The following KIAA1328 variants were observed in gnomAD, a reference collection of about 807,000 sequenced individuals.
The protein encoded by KIAA1328 is protein hinderin.
KIAA1328 carries 52 observed loss-of-function variants against 68.1 expected under a neutral mutation model. The ratio of observed to expected loss-of-function variants is 0.76; its 90% CI spans 0.61 to 0.96. The LOEUF is 0.96. Among genes scored for constraint, KIAA1328 ranks in the 40% least tolerant of loss-of-function variants. The pLI, the probability that KIAA1328 is intolerant of heterozygous loss-of-function variation, is 0.00. For missense variants in KIAA1328, 641 were observed against 677.6 expected, an observed-to-expected ratio of 0.95 and a Z score of 0.60; for synonymous variants, 232 against 239.4, an observed-to-expected ratio of 0.97 and a Z score of 0.28.
intron 7 of KIAA1328, among the ~76,000 whole-genome samples, chr18:37,083,184 C>T (rs1304261476): frequency 6.6e-6 from 1 of 152,158 alleles, no homozygotes; most frequent in Non-Finnish European, 1.5e-5. Context: ...GATATTATTG[C>T]TGCCATTTTT....
intron 5 of KIAA1328, among the ~76,000 whole-genome samples, chr18:36,949,596 C>G (rs2051059289): frequency 5.3e-5 from 1 of 18,818 alleles, no homozygotes; most frequent in South Asian, 3.5e-3. Flanking sequence ...TTCTACCCAG[C>G]TCCCCCCCCC....
rs908274718 is a variant in KIAA1328, at chr18:36,844,107, G to A, written c.238-101G>A. On this transcript the variant is annotated intron_variant, in intron 3 of 9. Coordinates refer to ENST00000280020, the MANE Select transcript of KIAA1328 (RefSeq NM_020776.3). ...GAAACAGGTAGATAGTGTTGCACCA[G>A]AGAAAAGATATCTAAGAAATTTCAC... 1.3e-5 allele frequency: 9 copies of A among 702,468 alleles called. No homozygotes were observed. In the Admixed American group the frequency reaches 2.0e-4, roughly 16 times the overall value. The allele number at this position is 702,468 out of a possible 1,614,324, so 43.5% of individuals were successfully genotyped here.
At chr18:36,990,123 A>G (rs919718687) in intron 6 of KIAA1328, among the ~76,000 whole-genome samples, 4 of 152,200 alleles carry the variant, frequency 2.6e-5, no homozygotes, top group Non-Finnish European at 4.4e-5. Context: ...AGCAATAACT[A>G]CTATTAACAT....
At position 36,963,790 on chromosome 18, in the gene KIAA1328, T is replaced by C. The variant is rs1166451560; in HGVS notation, c.576+4355T>C. Reference sequence around the variant, plus strand: ...TTTTTTGTTATTTTGTAATCGTTGTTATATCATTCATCTATCTCCCTTACC... The same window carrying C: ...TTTTTTGTTATTTTGTAATCGTTGTCATATCATTCATCTATCTCCCTTACC... On this transcript the variant is annotated intron_variant, in intron 6 of 9. Coordinates refer to ENST00000280020, the MANE Select transcript of KIAA1328 (RefSeq NM_020776.3). Among the ~76,000 whole-genome samples the C allele has an allele frequency of 2.0e-5, 3 of 152,230 alleles. No homozygotes were observed. The East Asian group carries it at 5.8e-4, about 29-fold the overall frequency.
At chr18:37,052,776 GA>G (rs1429065122) in intron 6 of KIAA1328, among the ~76,000 whole-genome samples, 1 of 151,870 alleles carries the variant, frequency 6.6e-6, no homozygotes, top group African/African-American at 2.4e-5. Flanking sequence ...AAATACCTAG[GA>G]ATACAGCTAA....
chr18:36,879,833 G>A (rs2048269993), intron 4 of KIAA1328, among the ~76,000 whole-genome samples: 1 of 152,178 alleles, frequency 6.6e-6, no homozygotes. Context: ...ACACTCTGAG[G>A]AGAAAATTGC....
At chr18:37,089,978 CTA>C (rs1229664336) in intron 7 of KIAA1328, among the ~76,000 whole-genome samples, 1 of 152,172 alleles carries the variant, frequency 6.6e-6, no homozygotes, top group African/African-American at 2.4e-5. Flanking sequence ...CAGCTGTGCC[CTA>C]CCATTTGCTC....
At chr18:36,865,097 A>T (rs2047702904) in intron 4 of KIAA1328, among the ~76,000 whole-genome samples, 8 of 135,672 alleles carry the variant, frequency 5.9e-5, no homozygotes, top group African/African-American at 1.7e-4. Context: ...CTTTGGACTT[A>T]TTTTCCTCTT....
chr18:36,833,634 A>G (rs1326016493), intron 1 of KIAA1328, among the ~76,000 whole-genome samples: 1 of 152,250 alleles, frequency 6.6e-6, no homozygotes, highest in Admixed American at 6.5e-5. Flanking sequence ...GAGAGCAGTT[A>G]GGAGCTTATT....
chr18:37,227,556 A>G (rs2060646494), downstream of KIAA1328, among the ~76,000 whole-genome samples: 1 of 152,240 alleles, frequency 6.6e-6, no homozygotes, highest in African/African-American at 2.4e-5. Context: ...TACTCTGCCC[A>G]TGCTCTATAA....
rs1233995683 is a variant in KIAA1328 at position 37,225,165 on chromosome 18, GC to G, written c.*2940del. The G allele has an allele frequency of 1.0e-6, 1 of 985,350 alleles. No individual in the cohort carries two copies. The highest frequency in any genetic ancestry group is 1.7e-5 in the African/African-American group (1 of 57,224). The allele number at this position is 985,350 out of a possible 1,614,324, so 61.0% of individuals were successfully genotyped here. ...GCCAGAGAATCAGGGGAGAGGAGAG[GC>G]CTGATGGGGCAGAGCTGGACGAAGT... On this transcript the variant is annotated 3_prime_UTR_variant, in exon 10 of 10. Coordinates refer to ENST00000280020, the MANE Select transcript of KIAA1328 (RefSeq NM_020776.3).
At chr18:36,954,508 A>T (rs1282087809) in intron 5 of KIAA1328, 3 of 152,096 alleles carry the variant, frequency 2.0e-5, no homozygotes, top group Non-Finnish European at 4.4e-5. Flanking sequence ...CTTTGCTGTA[A>T]GTAATTATGA....
At chr18:37,109,596 G>A (rs1334839322) in intron 7 of KIAA1328, among the ~76,000 whole-genome samples, 2 of 152,088 alleles carry the variant, frequency 1.3e-5, no homozygotes, top group African/African-American at 2.4e-5. Context: ...GAAAGTAGGG[G>A]TTAGAAAGCA....
At chr18:37,060,820 G>T (rs1032362919) in intron 6 of KIAA1328, among the ~76,000 whole-genome samples, 7 of 152,064 alleles carry the variant, frequency 4.6e-5, no homozygotes, top group African/African-American at 1.4e-4. Flanking sequence ...TTCATACAGT[G>T]AAATACTATG....
chr18:36,870,018 A>T (rs2047891798), intron 4 of KIAA1328, among the ~76,000 whole-genome samples: 1 of 151,792 alleles, frequency 6.6e-6, no homozygotes, highest in African/African-American at 2.4e-5. Flanking sequence ...GCGCGCCACC[A>T]CGTCCAGCTG....
At chr18:37,092,346 A>G (rs1245143514) in intron 7 of KIAA1328, among the ~76,000 whole-genome samples, 4 of 152,006 alleles carry the variant, frequency 2.6e-5, no homozygotes, top group Non-Finnish European at 5.9e-5. Context: ...GAGGCACTCT[A>G]GCATACCATT....
At chr18:37,174,101 G>A (rs1048407146) in intron 9 of KIAA1328, among the ~76,000 whole-genome samples, 8 of 152,134 alleles carry the variant, frequency 5.3e-5, no homozygotes, top group East Asian at 1.9e-4. Context: ...ACCTTGCCAA[G>A]CCCTTTATAT....
intron 7 of KIAA1328, among the ~76,000 whole-genome samples, chr18:37,091,442 G>C (rs2057264741): frequency 1.3e-5 from 2 of 151,580 alleles, no homozygotes; most frequent in South Asian, 2.1e-4. Context: ...ATTTCTATTG[G>C]TCCACATTCC....
chr18:37,210,291 C>A (rs377215099), intron 9 of KIAA1328, among the ~76,000 whole-genome samples: 1 of 152,098 alleles, frequency 6.6e-6, no homozygotes, highest in Non-Finnish European at 1.5e-5. Flanking sequence ...CAGAGGTAAA[C>A]GAAACTAGAA....
Sources: gnomAD v4.1 joint callset for allele counts (sites outside exome capture counted in the v4.1 genomes callset) on GRCh38, gnomAD v4.1.1 for gene constraint, MANE v1.5 for transcripts, NCBI Gene and HGNC (gene_info 2026-07-23, HGNC 2026-07-21) for gene names.